The following HS3ST5 variants were observed in gnomAD, a reference collection of about 807,000 sequenced individuals.
The protein encoded by HS3ST5 is heparan sulfate glucosamine 3-O-sulfotransferase 5.
HS3ST5 carries 10 observed loss-of-function variants against 25.4 expected under a neutral mutation model. The observed-to-expected ratio is 0.39, with a 90% CI of 0.24 to 0.67. The LOEUF is 0.67. Ranked by LOEUF, HS3ST5 falls within the 30% of genes least tolerant of loss-of-function variation. The probability of loss-of-function intolerance (pLI) is 0.44; values close to 1 mark genes in which losing one functional copy is unlikely to be tolerated. For missense variants in HS3ST5, 324 were observed against 420.7 expected (o/e 0.77, Z 2.01); for synonymous variants, 170 against 162.4 (o/e 1.05, Z -0.36).
intron 3 of HS3ST5, among the ~76,000 whole-genome samples, chr6:114,165,348 G>T (rs1779157600): frequency 6.6e-6 from 1 of 152,172 alleles, no homozygotes; most frequent in Non-Finnish European, 1.5e-5. Context: ...GGGCAATCTT[G>T]TCTAGATTTG....
At chr6:114,340,312 A>C (rs933684529) in intron 1 of HS3ST5, among the ~76,000 whole-genome samples, 1 of 152,248 alleles carries the variant, frequency 6.6e-6, no homozygotes, top group Non-Finnish European at 1.5e-5. Context: ...ATTTGCTTAC[A>C]TACCTATTTG....
intron 1 of HS3ST5, among the ~76,000 whole-genome samples, chr6:114,263,162 T>C (rs1773252296): frequency 6.6e-6 from 1 of 152,164 alleles, no homozygotes; most frequent in Non-Finnish European, 1.5e-5. Flanking sequence ...TAAAATTTTG[T>C]TTTATTTTTA....
intron 2 of HS3ST5, among the ~76,000 whole-genome samples, chr6:114,181,351 A>G (rs957185564): frequency 2.0e-5 from 3 of 152,238 alleles, no homozygotes; most frequent in Non-Finnish European, 4.4e-5. Context: ...ATGAAATTTC[A>G]TAGATACAAT....
At chr6:114,213,172 C>T (rs926710636) in intron 2 of HS3ST5, among the ~76,000 whole-genome samples, 4 of 151,984 alleles carry the variant, frequency 2.6e-5, no homozygotes, top group African/African-American at 7.3e-5. Context: ...AACTCTTCTT[C>T]GAAGTCCTGC....
chr6:114,324,347 G>C (rs568781779), intron 1 of HS3ST5, among the ~76,000 whole-genome samples: 1 of 152,124 alleles, frequency 6.6e-6, no homozygotes, highest in Non-Finnish European at 1.5e-5. Context: ...AGTTTCTTAC[G>C]TGAGCAGGTT....
chr6:114,315,445 T>C lies in HS3ST5; in HGVS notation c.-339+26750A>G, dbSNP rs188320692. 9.1e-4 allele frequency among the ~76,000 whole-genome samples: 139 copies of C among 152,288 alleles called. 5 individuals carry two copies. In the East Asian group the frequency reaches 0.024, roughly 26 times the overall value. The stretch of plus-strand genomic sequence containing the variant: ...AGAAACTTTGTTAAATGTATTTTAA[T>C]AAAATAGAAAAAATTGCAAACAATC... On this transcript the variant is annotated intron_variant, in intron 1 of 4. Coordinates refer to ENST00000312719, the MANE Select transcript of HS3ST5 (RefSeq NM_153612.4).
At chr6:114,265,231 CA>C (rs1352642817) in intron 1 of HS3ST5, among the ~76,000 whole-genome samples, 2 of 152,028 alleles carry the variant, frequency 1.3e-5, no homozygotes, top group Non-Finnish European at 2.9e-5. Flanking sequence ...ATTATGGTGT[CA>C]CAAGAGAAGA....
At chr6:114,225,660 A>G (rs1782256853) in intron 2 of HS3ST5, among the ~76,000 whole-genome samples, 1 of 151,914 alleles carries the variant, frequency 6.6e-6, no homozygotes, top group Non-Finnish European at 1.5e-5. Context: ...GTCCTGTCAC[A>G]TAAAAGAATG....
chr6:114,302,778 T>A (rs187080218), intron 1 of HS3ST5, among the ~76,000 whole-genome samples: 4 of 152,304 alleles, frequency 2.6e-5, no homozygotes, highest in Admixed American at 2.6e-4. Context: ...AAAATCATTT[T>A]ATGTCTTCAT....
At chr6:114,064,584 A>T (rs1773338319) in intron 3 of HS3ST5, among the ~76,000 whole-genome samples, 1 of 152,190 alleles carries the variant, frequency 6.6e-6, no homozygotes, top group Non-Finnish European at 1.5e-5. Context: ...CACACAGTTG[A>T]CAAATACTTA....
intron 3 of HS3ST5, among the ~76,000 whole-genome samples, chr6:114,083,445 G>A (rs565997925): frequency 1.6e-3 from 241 of 152,138 alleles, no homozygotes; most frequent in African/African-American, 5.7e-3. Context: ...GGGAGTGGGG[G>A]TTGGGGATCG....
chr6:114,305,973 T>C (rs1775270307), intron 1 of HS3ST5, among the ~76,000 whole-genome samples: 1 of 152,074 alleles, frequency 6.6e-6, no homozygotes, highest in Non-Finnish European at 1.5e-5. Flanking sequence ...GACCAACTGG[T>C]TGGCATCTTG....
At chr6:114,058,449 C>T (rs903188235) in intron 4 of HS3ST5, among the ~76,000 whole-genome samples, 7 of 152,286 alleles carry the variant, frequency 4.6e-5, no homozygotes, top group African/African-American at 1.4e-4. Flanking sequence ...ACGGCGTGTA[C>T]TTCTGTTTGC....
intron 3 of HS3ST5, among the ~76,000 whole-genome samples, chr6:114,114,328 G>A (rs191004704): frequency 6.6e-6 from 1 of 152,102 alleles, no homozygotes; most frequent in African/African-American, 2.4e-5. Flanking sequence ...CCATTGTGCT[G>A]TTACTTTTAA....
At chr6:114,174,831 A>G (rs112394123) in intron 2 of HS3ST5, among the ~76,000 whole-genome samples, 1,880 of 152,154 alleles carry the variant, frequency 0.012, 44 homozygotes, top group African/African-American at 0.044. Flanking sequence ...CATCTCTACT[A>G]AAAATACAAA....
intron 1 of HS3ST5, among the ~76,000 whole-genome samples, chr6:114,275,145 T>A (rs1773794271): frequency 6.6e-6 from 1 of 151,220 alleles, no homozygotes; most frequent in Non-Finnish European, 1.5e-5. Flanking sequence ...CTCAATATTC[T>A]ACTTTGCATT....
At chr6:114,195,366 A>G (rs1366878654) in intron 2 of HS3ST5, among the ~76,000 whole-genome samples, 1 of 152,200 alleles carries the variant, frequency 6.6e-6, no homozygotes, top group African/African-American at 2.4e-5. Flanking sequence ...GGAGCTATAG[A>G]GAGACCAGAC....
intron 1 of HS3ST5, among the ~76,000 whole-genome samples, chr6:114,251,152 T>C (rs1173619396): frequency 2.6e-5 from 4 of 152,048 alleles, no homozygotes; most frequent in East Asian, 3.9e-4. Flanking sequence ...AAAAGTAACG[T>C]ATAAAAAGAA....
intron 1 of HS3ST5, among the ~76,000 whole-genome samples, chr6:114,302,170 G>C (rs1775104053): frequency 6.6e-6 from 1 of 152,142 alleles, no homozygotes; most frequent in Non-Finnish European, 1.5e-5. Flanking sequence ...TTTTATGTGT[G>C]ATGACCCTAG....
Sources: allele counts gnomAD v4.1 joint callset (sites outside exome capture counted in the v4.1 genomes callset), GRCh38; gene constraint gnomAD v4.1.1; transcripts MANE v1.5; gene names NCBI Gene and HGNC (gene_info 2026-07-23, HGNC 2026-07-21).